The following ATAD2B variants were observed in gnomAD, a reference collection of about 807,000 sequenced individuals.
The protein encoded by ATAD2B is ATPase family AAA domain-containing protein 2B.
A neutral mutation model predicts 167.6 loss-of-function variants in ATAD2B; 40 were observed. The observed-to-expected ratio is 0.24, with a 90% CI of 0.19 to 0.31. The LOEUF is 0.31. Ranked by LOEUF, ATAD2B falls within the 10% of genes least tolerant of loss-of-function variation. The pLI, the probability that ATAD2B is intolerant of heterozygous loss-of-function variation, is 1.00. For synonymous variants in ATAD2B, 579 were observed against 596.5 expected (o/e 0.97, Z 0.43); for missense variants, 1,242 against 1,757.2 (o/e 0.71, Z 5.24).
At chr2:23,877,786 G>A (rs1697131496) in intron 7 of ATAD2B, among the ~76,000 whole-genome samples, 1 of 149,880 alleles carries the variant, frequency 6.7e-6, no homozygotes, top group Admixed American at 6.7e-5. Context: ...CTTGAACCAG[G>A]GCGGTAGAAG....
intron 7 of ATAD2B, among the ~76,000 whole-genome samples, chr2:23,876,536 A>G (rs1178806109): frequency 1.3e-5 from 2 of 151,968 alleles, no homozygotes; most frequent in African/African-American, 4.8e-5. Flanking sequence ...TCCTGACCTC[A>G]TGAGCCGCCC....
chr2:23,760,733 T>TACAC (rs1241441472), intron 24 of ATAD2B, among the ~76,000 whole-genome samples: 53 of 124,996 alleles, frequency 4.2e-4, no homozygotes, highest in African/African-American at 9.4e-4. Flanking sequence ...CACACACATA[T>TACAC]ACACACACAC....
At chr2:23,704,709 G>A in the ATAD2B span, among the ~76,000 whole-genome samples, 1 of 152,224 alleles carries the variant, frequency 6.6e-6, no homozygotes, top group Non-Finnish European at 1.5e-5. Context: ...GGAGGTTGCA[G>A]TGAGCCGAGA....
the ATAD2B span, among the ~76,000 whole-genome samples, chr2:23,732,363 G>C: frequency 6.6e-6 from 1 of 152,184 alleles, no homozygotes; most frequent in Non-Finnish European, 1.5e-5. Context: ...ATGCACACAG[G>C]TGATAAAACT....
intron 21 of ATAD2B, among the ~76,000 whole-genome samples, chr2:23,784,598 T>C (rs1165519059): frequency 2.6e-5 from 4 of 152,134 alleles, no homozygotes; most frequent in African/African-American, 4.8e-5. Flanking sequence ...AAAAGCAAAA[T>C]TGGTTTACTC....
chr2:23,743,481 C>A, the ATAD2B span, among the ~76,000 whole-genome samples: 1 of 150,262 alleles, frequency 6.7e-6, no homozygotes, highest in African/African-American at 2.5e-5. Flanking sequence ...GAGAATCGCT[C>A]GAACCCGGGA....
chr2:23,755,574 T>C (rs1489561696), intron 25 of ATAD2B, among the ~76,000 whole-genome samples: 1 of 152,058 alleles, frequency 6.6e-6, no homozygotes, highest in African/African-American at 2.4e-5. Context: ...AAAGACAAAC[T>C]TGGACTGTTT....
At chr2:23,911,578 G>A (rs1702309516) in intron 1 of ATAD2B, among the ~76,000 whole-genome samples, 1 of 151,024 alleles carries the variant, frequency 6.6e-6, no homozygotes, top group African/African-American at 2.4e-5. Context: ...AAGAAGAAGA[G>A]GAGAAAGAAG....
intron 18 of ATAD2B, among the ~76,000 whole-genome samples, chr2:23,809,715 A>T (rs1558573923): frequency 6.6e-6 from 1 of 152,190 alleles, no homozygotes; most frequent in African/African-American, 2.4e-5. Context: ...CCTTGGCTCA[A>T]AAAATGTATT....
rs1192383627 is a variant in ATAD2B, at chr2:23,887,891, G to C, written c.513C>G (p.Ser171=). 6.2e-7 allele frequency: 1 copy of C among 1,609,552 alleles called. No individual in the cohort carries two copies. The highest frequency in any genetic ancestry group is 8.5e-7 in the Non-Finnish European group (1 of 1,178,354). Reference sequence around the variant, plus strand: ...TCACACTTTCAAATCTGTTTTTCCTGGAACGACAACTTTTTCTGACTTCCA... The same window carrying C: ...TCACACTTTCAAATCTGTTTTTCCTCGAACGACAACTTTTTCTGACTTCCA... ...GDMEVRKSCR[S]RKNRFESVNQ... The change falls in exon 4 of 28, where the codon TCC becomes TCG. Residue 171 remains serine, a synonymous_variant. Transcript: ENST00000238789.
At chr2:23,891,367 A>G (rs969642027) in intron 2 of ATAD2B, among the ~76,000 whole-genome samples, 1 of 152,094 alleles carries the variant, frequency 6.6e-6, no homozygotes, top group Non-Finnish European at 1.5e-5. Flanking sequence ...TATATGCCTA[A>G]AAGTTTCTGT....
At chr2:23,767,724 A>G (rs1344431113) in intron 22 of ATAD2B, among the ~76,000 whole-genome samples, 1 of 152,148 alleles carries the variant, frequency 6.6e-6, no homozygotes, top group Non-Finnish European at 1.5e-5. Flanking sequence ...GAACTGGGGT[A>G]ATGGTGGTGG....
intron 18 of ATAD2B, 46 bp from the exon 19 acceptor site, chr2:23,798,369 T>A (rs1464443730): frequency 7.0e-7 from 1 of 1,421,798 alleles, no homozygotes; most frequent in East Asian, 2.3e-5. Flanking sequence ...AATTGATTAT[T>A]CTAAAGTCTA....
chr2:23,774,217 G>A (rs1291798428), intron 22 of ATAD2B, among the ~76,000 whole-genome samples: 1 of 152,194 alleles, frequency 6.6e-6, no homozygotes, highest in Non-Finnish European at 1.5e-5. Flanking sequence ...CACTTTGGAA[G>A]GATGCAGCAA....
chr2:23,699,987 G>A, the ATAD2B span, among the ~76,000 whole-genome samples: 7 of 152,120 alleles, frequency 4.6e-5, no homozygotes, highest in South Asian at 4.2e-4. Flanking sequence ...TCACCTTCCT[G>A]CAGTCATTCC....
At position 23,752,146 on chromosome 2, in the gene ATAD2B, T is replaced by G. The variant is rs1572617718; in HGVS notation, c.4336-59A>C. 1.7e-5 allele frequency: 21 copies of G among 1,235,788 alleles called. No individual in the cohort carries two copies. The South Asian group carries it at 2.1e-4, about 12-fold the overall frequency. 76.6% of individuals were successfully genotyped at this position (1,235,788 alleles called of 1,614,324 possible). A position where few individuals can be genotyped will look rare whatever the true frequency, so the allele number is the denominator to read the frequency against. Reference sequence around the variant, plus strand: ...AAGGGAAAGACAAAAGTGTTCCTCATTACGGAAGAATTCACTTTAAATTTT... The same window carrying G: ...AAGGGAAAGACAAAAGTGTTCCTCAGTACGGAAGAATTCACTTTAAATTTT... On this transcript the variant is annotated intron_variant, in intron 27 of 27. Coordinates refer to ENST00000238789, the MANE Select transcript of ATAD2B (RefSeq NM_017552.4).
rs1675383483 is a variant in ATAD2B at position 23,751,806 on chromosome 2, G to A, written c.*240C>T. 2 of 511,232 alleles carry A rather than the reference G, an allele frequency of 3.9e-6. No homozygotes were observed. The highest frequency in any genetic ancestry group is 7.7e-5 in the Admixed American group (2 of 26,014). 31.7% of individuals were successfully genotyped at this position (511,232 alleles called of 1,614,324 possible). A position where few individuals can be genotyped will look rare whatever the true frequency, so the allele number is the denominator to read the frequency against. ...AGCACCAAAATCTCCAAGCTGTGGGGTTGTATTTTTTATTTGTGGAAAATA... is the reference window on the plus strand; with the variant it reads ...AGCACCAAAATCTCCAAGCTGTGGGATTGTATTTTTTATTTGTGGAAAATA... On this transcript the variant is annotated 3_prime_UTR_variant, in exon 28 of 28. Transcript: ENST00000238789.
At chr2:23,828,573 G>A (rs1688586491) in intron 15 of ATAD2B, among the ~76,000 whole-genome samples, 2 of 152,104 alleles carry the variant, frequency 1.3e-5, no homozygotes, top group Non-Finnish European at 2.9e-5. Context: ...TATTCAAAAG[G>A]AGACCCTGTA....
chr2:23,692,088 G>T, the ATAD2B span, among the ~76,000 whole-genome samples: 1 of 152,230 alleles, frequency 6.6e-6, no homozygotes, highest in Non-Finnish European at 1.5e-5. Flanking sequence ...AGAGGACTCC[G>T]TGTCATTTCT....
Sources: allele counts gnomAD v4.1 joint callset (sites outside exome capture counted in the v4.1 genomes callset), GRCh38; gene constraint gnomAD v4.1.1; transcripts MANE v1.5; gene names NCBI Gene and HGNC (gene_info 2026-07-23, HGNC 2026-07-21).